Variants in USP53 observed in about 807,000 individuals in gnomAD.
The protein encoded by USP53 is ubiquitin carboxyl-terminal hydrolase 53.
In USP53, 71 loss-of-function variants were observed where a neutral mutation model predicts 94.9. That is an observed-to-expected ratio of 0.75 (90% CI 0.62 to 0.91). USP53 has a LOEUF of 0.91. Among genes scored for constraint, USP53 ranks in the 40% least tolerant of loss-of-function variants. The pLI, the probability that USP53 is intolerant of heterozygous loss-of-function variation, is 0.00. For missense variants in USP53, 1,173 were observed against 1,281.0 expected (o/e 0.92, Z 1.29); for synonymous variants, 375 against 422.7 (o/e 0.89, Z 1.39).
chr4:119,278,551 A>G (rs1007024360), intron 17 of USP53, among the ~76,000 whole-genome samples: 1 of 132,536 alleles, frequency 7.5e-6, no homozygotes, highest in African/African-American at 2.8e-5. Context: ...CTTCATTTCA[A>G]CTTTGGTGAA....
At chr4:119,279,682 G>A (rs1578559446) in intron 17 of USP53, among the ~76,000 whole-genome samples, 2 of 152,060 alleles carry the variant, frequency 1.3e-5, no homozygotes, top group South Asian at 4.2e-4. Flanking sequence ...GGGCAATGGC[G>A]GGCGCCCCTC....
intron 12 of USP53, among the ~76,000 whole-genome samples, chr4:119,263,070 T>C (rs1323862238): frequency 6.6e-6 from 1 of 152,252 alleles, no homozygotes; most frequent in Non-Finnish European, 1.5e-5. Flanking sequence ...TTTAGTTCCA[T>C]TTTATTAATA....
chr4:119,214,612 T>TA lies in USP53; in HGVS notation c.-789+404dup, dbSNP rs35029575. 3.8e-3 allele frequency among the ~76,000 whole-genome samples: 537 copies of TA among 141,542 alleles called. 3 individuals carry two copies. The highest frequency in any genetic ancestry group is 9.5e-3 in the East Asian group (47 of 4,932). 92.9% of individuals were successfully genotyped at this position (141,542 alleles called of 152,430 possible). ...TTTCCAACTAGTGTATTCTTTTCCT[T>TA]AAAAAAAAAAAAAAGAAAAATCACA... On this transcript the variant is annotated intron_variant, in intron 2 of 18. Transcript: ENST00000692078.
intron 17 of USP53, among the ~76,000 whole-genome samples, chr4:119,287,158 T>A (rs968042037): frequency 8.5e-5 from 13 of 152,150 alleles, no homozygotes; most frequent in African/African-American, 3.1e-4. Flanking sequence ...CAGACCTTCA[T>A]TTGAATGTCT....
At chr4:119,247,589 C>A (rs1246074262) in intron 6 of USP53, among the ~76,000 whole-genome samples, 1 of 152,078 alleles carries the variant, frequency 6.6e-6, no homozygotes, top group Admixed American at 6.6e-5. Flanking sequence ...ATAATTACTT[C>A]TTTGCCTTCT....
chr4:119,239,721 T>C lies in USP53; in HGVS notation c.-39T>C, dbSNP rs1011446363. The C allele has an allele frequency of 3.2e-6, 5 of 1,576,344 alleles. No homozygotes were observed. Among genetic ancestry groups the C allele is most frequent in the Non-Finnish European group, 4.3e-6 (5 of 1,162,504 alleles). Reference sequence around the variant, plus strand: ...TTGTCCAAAATATTACATAAAAGTGTACAGTTTTTAGCCTAAATGCAAACA... The same window carrying C: ...TTGTCCAAAATATTACATAAAAGTGCACAGTTTTTAGCCTAAATGCAAACA... On this transcript the variant is annotated 5_prime_UTR_variant, in exon 5 of 19. Transcript: ENST00000692078.
Position 119,293,168 on chromosome 4 carries a change from C to G in USP53, c.3179C>G (p.Ser1060Cys), listed in dbSNP as rs879040946. The change falls in exon 19 of 19, where the codon TCT (serine) becomes TGT (cysteine). Residue 1060 changes from serine (S) to cysteine (C), a missense_variant. Coordinates refer to ENST00000692078, the MANE Select transcript of USP53 (RefSeq NM_001371395.1). ...RLKYHQRPKL[S>C]FPESSGFCNN... ...AAATACCATCAGAGGCCCAAGCTCT[C>G]TTTTCCAGAGAGCAGTGGCTTTTGT... 1 of 1,611,092 alleles carries G rather than the reference C, an allele frequency of 6.2e-7. No individual in the cohort carries two copies. Among genetic ancestry groups the G allele is most frequent in the Admixed American group, 1.7e-5 (1 of 59,856 alleles).
intron 3 of USP53, among the ~76,000 whole-genome samples, chr4:119,222,655 T>C (rs1376797158): frequency 1.3e-5 from 2 of 152,184 alleles, no homozygotes; most frequent in Non-Finnish European, 2.9e-5. Flanking sequence ...TGAATAATAT[T>C]CCATTATGTA....
intron 1 of USP53, among the ~76,000 whole-genome samples, chr4:119,213,660 A>ATGTGTG (rs1553962017): frequency 4.2e-5 from 5 of 117,770 alleles, no homozygotes; most frequent in African/African-American, 1.4e-4. Flanking sequence ...ATATATATAT[A>ATGTGTG]TGTGTGTGTG....
intron 15 of USP53, among the ~76,000 whole-genome samples, chr4:119,270,177 C>G (rs1322955886): frequency 1.3e-5 from 2 of 151,534 alleles, no homozygotes; most frequent in African/African-American, 4.8e-5. Context: ...TCTCTGCAGT[C>G]TTGAACTCCT....
intron 18 of USP53, 146 bp from the exon 19 acceptor site, chr4:119,292,192 A>G: frequency 2.3e-6 from 2 of 877,536 alleles, no homozygotes; most frequent in South Asian, 2.4e-5. Flanking sequence ...ATGGTTGCAA[A>G]TATCTTTCCA....
chr4:119,238,081 A>C (rs748595171), intron 4 of USP53, among the ~76,000 whole-genome samples: 123 of 152,314 alleles, frequency 8.1e-4, no homozygotes, highest in Non-Finnish European at 1.5e-3. Context: ...TCACTTTCTT[A>C]TCATTCAGGT....
chr4:119,213,660 A>ATATATATATATGTGTGTGTGTGTGTGTG, intron 1 of USP53, among the ~76,000 whole-genome samples: 2 of 117,790 alleles, frequency 1.7e-5, no homozygotes, highest in African/African-American at 7.2e-5. Flanking sequence ...ATATATATAT[A>ATATATATATATGTGTGTGTGTGTGTGTG]TGTGTGTGTG....
chr4:119,278,181 G>A (rs1165344373), intron 17 of USP53, among the ~76,000 whole-genome samples: 2 of 147,166 alleles, frequency 1.4e-5, no homozygotes, highest in Admixed American at 1.4e-4. Context: ...AGTTGATGCA[G>A]TTTCTTCCTA....
In USP53 at chr4:119,271,341, C is replaced by T; in HGVS notation, c.1481C>T (p.Pro494Leu). 4 of 1,594,324 alleles carry T rather than the reference C, an allele frequency of 2.5e-6. No homozygotes were observed. The highest frequency in any genetic ancestry group is 1.2e-5 in the South Asian group (1 of 86,638). Residue 494 changes from proline (P) to leucine (L), a missense_variant, in exon 16 of 19, where the codon CCT becomes CTT. Transcript: ENST00000692078. ...DLSHFQSGSP[P>L]APNGFKQHGN... is the part of the protein sequence containing the mutation. ...TCACATTTCCAATCTGGATCACCTC[C>T]TGCCCCAAATGGTTTTAAACAACAT...
At chr4:119,279,147 A>G (rs1300349354) in intron 17 of USP53, among the ~76,000 whole-genome samples, 10 of 148,378 alleles carry the variant, frequency 6.7e-5, no homozygotes, top group East Asian at 2.0e-4. Context: ...CTGGTGAGGA[A>G]CTGCGTTCCT....
At chr4:119,226,341 A>C (rs1745249641) in intron 3 of USP53, among the ~76,000 whole-genome samples, 1 of 152,244 alleles carries the variant, frequency 6.6e-6, no homozygotes, top group African/African-American at 2.4e-5. Context: ...CAAGAACAAG[A>C]TGAAAGAGGC....
rs985045439 is a variant in USP53 at position 119,271,589 on chromosome 4, A to C, written c.1729A>C (p.Ser577Arg). The C allele has an allele frequency of 1.9e-6, 3 of 1,613,838 alleles. No homozygotes were observed. The highest frequency in any genetic ancestry group is 2.5e-6 in the Non-Finnish European group (3 of 1,180,038). The change falls in exon 16 of 19, where the codon AGT (serine) becomes CGT (arginine). Residue 577 changes from serine to arginine, a missense_variant. Coordinates refer to ENST00000692078, the MANE Select transcript of USP53 (RefSeq NM_001371395.1). ...RDRGNSCDSS[S>R]KSRNRGWKPM... ...TAGAGGAAACAGCTGTGATAGCAGC[A>C]GTAAAAGCCGGAACCGAGGTTGGAA...
At position 119,271,348 on chromosome 4, in the gene USP53, A is replaced by C. The variant is rs756103175; in HGVS notation, c.1488A>C (p.Pro496=). The C allele has an allele frequency of 3.1e-5, 49 of 1,600,612 alleles. No homozygotes were observed. The highest frequency in any genetic ancestry group is 3.8e-5 in the Non-Finnish European group (45 of 1,176,292). ...SHFQSGSPPA[P]NGFKQHGNPH... is the part of the protein sequence containing the mutation. ...TCCAATCTGGATCACCTCCTGCCCC[A>C]AATGGTTTTAAACAACATGGGAATC... Residue 496 remains proline (P), a synonymous_variant, in exon 16 of 19, where the codon CCA becomes CCC. Coordinates refer to ENST00000692078, the MANE Select transcript of USP53 (RefSeq NM_001371395.1).
Sources: allele counts gnomAD v4.1 joint callset (sites outside exome capture counted in the v4.1 genomes callset), GRCh38; gene constraint gnomAD v4.1.1; transcripts MANE v1.5; gene names NCBI Gene and HGNC (gene_info 2026-07-23, HGNC 2026-07-21).